The following PSG1 variants were observed in gnomAD, a reference collection of about 807,000 sequenced individuals.
PSG1 encodes pregnancy-specific beta-1-glycoprotein 1.
A neutral mutation model predicts 41.4 loss-of-function variants in PSG1; 60 were observed. The observed-to-expected ratio is 1.45, with a 90% CI of 1.18 to 1.80. PSG1 has a LOEUF of 1.80. PSG1 is among the 40% of genes most tolerant of loss of function. The probability of loss-of-function intolerance (pLI) is 0.00; values close to 1 mark genes in which losing one functional copy is unlikely to be tolerated. For missense variants in PSG1, 806 were observed against 516.9 expected (o/e 1.56, Z -5.42); for synonymous variants, 256 against 192.9 (o/e 1.33, Z -2.71).
At chr19:42,874,348 C>G (rs1971516332) in intron 2 of PSG1, among the ~76,000 whole-genome samples, 1 of 150,444 alleles carries the variant, frequency 6.6e-6, no homozygotes, top group South Asian at 2.1e-4. Context: ...ATTTCTCTAA[C>G]AGGGTTTTTT....
At position 42,878,237 on chromosome 19, in the gene PSG1, C is replaced by G. The variant is rs751561140; in HGVS notation, c.106G>C (p.Val36Leu). 20 of 1,610,678 alleles carry G rather than the reference C, an allele frequency of 1.2e-5. No individual in the cohort carries two copies. The highest frequency in any genetic ancestry group is 3.3e-4 in the Middle Eastern group (2 of 6,064). Residue 36 changes from valine (V) to leucine (L), a missense_variant, in exon 2 of 6, where the codon GTC becomes CTC. Physicochemically the swap from Val to Leu is conservative, Grantham distance 32. Transcript: ENST00000436291. The stretch of plus-strand genomic sequence containing the variant: ...TTGGTTGGCTCGGCTTCAATCGTGA[C>G]TTGGGCAGTGGTGGGCAGGTTCCAG... ...NFWNLPTTAQ[V>L]TIEAEPTKVS...
intron 5 of PSG1, chr19:42,867,620 T>C (rs1359287338): frequency 1.1e-5 from 8 of 713,860 alleles, no homozygotes; most frequent in African/African-American, 5.4e-5. Context: ...TGTGCAAATA[T>C]GTGTATTACC....
intron 5 of PSG1, chr19:42,867,424 G>A (rs776747817): frequency 2.8e-5 from 16 of 576,766 alleles, no homozygotes; most frequent in Non-Finnish European, 9.2e-6. Flanking sequence ...AGGAATCTGA[G>A]ATTAAATCTT....
At chr19:42,870,902 TG>T (rs1423517095) in intron 3 of PSG1, among the ~76,000 whole-genome samples, 2 of 151,720 alleles carry the variant, frequency 1.3e-5, no homozygotes, top group Non-Finnish European at 2.9e-5. Flanking sequence ...CCTTTCAGAT[TG>T]TTCATTGTTA....
At position 42,875,964 on chromosome 19, in the gene PSG1, A is replaced by T. The variant is rs1253911045; in HGVS notation, c.430+1949T>A. ...GGGAAAGAGCCCTGGATGGGAATAC[A>T]GTGGAAGGTCATTCTCTTAGTGACC... is the stretch of plus-strand genomic sequence containing the variant. On this transcript the variant is annotated intron_variant, in intron 2 of 5. Coordinates refer to ENST00000436291, the MANE Select transcript of PSG1 (RefSeq NM_001184825.2). Among the ~76,000 whole-genome samples the T allele has an allele frequency of 1.1e-4, 17 of 151,048 alleles. 1 individual carries two copies. Among genetic ancestry groups the T allele is most frequent in the African/African-American group, 3.6e-4 (15 of 41,138 alleles).
chr19:42,868,650 A>C (rs978148758), intron 4 of PSG1, 106 bp downstream of exon 4: 46 of 1,564,440 alleles, frequency 2.9e-5, no homozygotes, highest in Non-Finnish European at 4.0e-5. Flanking sequence ...GATGTCCAGA[A>C]GTAAAGGTGT....
chr19:42,876,284 C>T (rs529703396), intron 2 of PSG1, among the ~76,000 whole-genome samples: 28 of 151,418 alleles, frequency 1.8e-4, no homozygotes, highest in Non-Finnish European at 1.0e-4. Context: ...TTCAGAAACT[C>T]CAGGGACCAG....
At chr19:42,878,696 C>T (rs1274758085) in intron 1 of PSG1, among the ~76,000 whole-genome samples, 4 of 149,210 alleles carry the variant, frequency 2.7e-5, no homozygotes, top group African/African-American at 7.5e-5. Context: ...CTGCTCCCTC[C>T]AGGGTTCTTG....
intron 5 of PSG1, chr19:42,867,860 T>C: frequency 2.2e-6 from 3 of 1,340,550 alleles, no homozygotes; most frequent in Middle Eastern, 2.7e-4. Context: ...TTATCAATTA[T>C]TTCAATGAAA....
intron 1 of PSG1, 61 bp from the exon 2 acceptor site, chr19:42,878,339 G>A (rs1971710018): frequency 6.5e-7 from 1 of 1,543,056 alleles, no homozygotes. Context: ...GAAAACATGG[G>A]GCCCTGGGTC....
intron 2 of PSG1, among the ~76,000 whole-genome samples, chr19:42,874,810 A>T (rs560276231): frequency 6.6e-6 from 1 of 151,488 alleles, no homozygotes; most frequent in Admixed American, 6.6e-5. Flanking sequence ...GGATGGCGTC[A>T]TGAGTGAGGA....
chr19:42,871,951 G>A lies in PSG1; in HGVS notation c.525C>T (p.Asp175=), dbSNP rs113624203. 4.5e-3 allele frequency: 7,221 copies of A among 1,612,386 alleles called. 405 individuals carry two copies. In the African/African-American group the frequency reaches 0.083, roughly 18 times the overall value. The change falls in exon 3 of 6, where the codon GAC becomes GAT. Residue 175 remains aspartate (D), a synonymous_variant. Coordinates refer to ENST00000436291, the MANE Select transcript of PSG1 (RefSeq NM_001184825.2). ...CATTCATCCACCACAGGTAGCTTGC[G>A]TCTGGAGTCTCAGGGTCACAGGTTA... ...VSLTCDPETP[D]ASYLWWMNGQ...
chr19:42,879,088 C>T lies in PSG1; in HGVS notation c.64+430G>A, dbSNP rs1256675186. Among the ~76,000 whole-genome samples, 3 of 151,570 alleles carry T rather than the reference C, an allele frequency of 2.0e-5. 1 individual carries two copies. Among genetic ancestry groups the T allele is most frequent in the Non-Finnish European group, 4.4e-5 (3 of 67,882 alleles). On this transcript the variant is annotated intron_variant, in intron 1 of 5. Coordinates refer to ENST00000436291, the MANE Select transcript of PSG1 (RefSeq NM_001184825.2). ...CAATACGACTTTCCTGTTTTGACCCCTGTCCCTCTCTGGTGTATTTTCCCC... is the reference window on the plus strand; with the variant it reads ...CAATACGACTTTCCTGTTTTGACCCTTGTCCCTCTCTGGTGTATTTTCCCC...
intron 2 of PSG1, chr19:42,873,999 AAT>A (rs1971500645): frequency 6.6e-6 from 1 of 151,538 alleles, no homozygotes; most frequent in African/African-American, 2.4e-5. Context: ...AACTTATGAA[AAT>A]GACATCATCA....
intron 2 of PSG1, among the ~76,000 whole-genome samples, chr19:42,875,481 G>T (rs896808414): frequency 1.3e-4 from 20 of 151,578 alleles, no homozygotes; most frequent in Non-Finnish European, 1.5e-5. Flanking sequence ...TTGGTCTTTT[G>T]AGATGTTTCT....
rs767495905 is a variant in PSG1, at chr19:42,868,157, A to G, written c.1187T>C (p.Val396Ala). 6.2e-6 allele frequency: 10 copies of G among 1,612,262 alleles called. No homozygotes were observed. The highest frequency in any genetic ancestry group is 1.3e-5 in the African/African-American group (1 of 74,694). The change falls in exon 5 of 6, where the codon GTT becomes GCT. Residue 396 changes from valine (V) to alanine (A), a missense_variant. Coordinates refer to ENST00000436291, the MANE Select transcript of PSG1 (RefSeq NM_001184825.2). The stretch of plus-strand genomic sequence containing the variant: ...TTCCTTGCCAGTGGCTGAGTTACGA[A>G]CAGAGCAAACATAGAGCCCGCTATG... Reference protein sequence around the residue: ...TKHSGLYVCSVRNSATGKESS... With the variant: ...TKHSGLYVCSARNSATGKESS...
intron 1 of PSG1, among the ~76,000 whole-genome samples, chr19:42,878,876 G>T (rs959597950): frequency 6.6e-6 from 1 of 151,476 alleles, no homozygotes; most frequent in Non-Finnish European, 1.5e-5. Flanking sequence ...CCATGCCCTG[G>T]GTGTTTTTTT....
rs59100011 is a variant in PSG1, at chr19:42,878,022, C to A, written c.321G>T (p.Leu107=). 6,769 of 1,612,392 alleles carry A rather than the reference C, an allele frequency of 4.2e-3. 517 individuals are homozygous for A. In the East Asian group the frequency reaches 0.12, roughly 29 times the overall value. ...CCTCCCGGGTGACATTCTGGATCAG[C>A]AGGGATGCATTGGAATATGCTGTTT... ...GRETAYSNAS[L]LIQNVTREDA... The change falls in exon 2 of 6, where the codon CTG becomes CTT. Residue 107 remains leucine (L), a synonymous_variant. Coordinates refer to ENST00000436291, the MANE Select transcript of PSG1 (RefSeq NM_001184825.2).
At chr19:42,869,592 G>A (rs1365405368) in intron 3 of PSG1, 1 of 160,600 alleles carries the variant, frequency 6.2e-6, no homozygotes, top group African/African-American at 2.4e-5. Context: ...CTGGAGGTCA[G>A]TTCAGTCATC....
Sources: gnomAD v4.1 joint callset for allele counts (sites outside exome capture counted in the v4.1 genomes callset) on GRCh38, gnomAD v4.1.1 for gene constraint, MANE v1.5 for transcripts, NCBI Gene and HGNC (gene_info 2026-07-23, HGNC 2026-07-21) for gene names.